Variants in NRP2 observed in about 807,000 individuals in gnomAD.
The protein encoded by NRP2 is neuropilin-2.
Under a neutral mutation model 110.4 loss-of-function variants are expected in NRP2, and 52 were observed. The ratio of observed to expected loss-of-function variants is 0.47; its 90% CI spans 0.38 to 0.59. NRP2 has a LOEUF of 0.59. Among genes scored for constraint, NRP2 ranks in the 20% least tolerant of loss-of-function variants. NRP2 has a pLI of 0.00. For synonymous variants in NRP2, 508 were observed against 468.9 expected (o/e 1.08, Z -1.08); for missense variants, 1,049 against 1,203.0 (o/e 0.87, Z 1.89).
chr2:205,765,639 G>T (rs764841622), intron 14 of NRP2, 69 bp downstream of exon 14: 1 of 1,327,304 alleles, frequency 7.5e-7, no homozygotes, highest in Admixed American at 1.7e-5. Context: ...AGCAAGAGGA[G>T]GCAGGACACC....
chr2:205,776,224 C>T (rs975622619), intron 15 of NRP2: 2 of 1,607,002 alleles, frequency 1.2e-6, no homozygotes, highest in Admixed American at 1.7e-5. Context: ...CCTAGCAACA[C>T]TCTTCTGTGT....
In NRP2 at chr2:205,796,992, G is replaced by T. The variant is rs568743910; in HGVS notation, c.*1934G>T. 6.5e-6 allele frequency: 1 copy of T among 152,812 alleles called. No individual in the cohort carries two copies. Among genetic ancestry groups the T allele is most frequent in the African/African-American group, 2.4e-5 (1 of 41,574 alleles). 9.5% of individuals were successfully genotyped at this position (152,812 alleles called of 1,614,324 possible). A position where few individuals can be genotyped will look rare whatever the true frequency, so the allele number is the denominator to read the frequency against. ...ATGGTAATGTCACAGTGTTTTGTAT[G>T]CAGAGAGCAAGAGTTCAACCAACAG... On this transcript the variant is annotated 3_prime_UTR_variant, in exon 17 of 17. Transcript: ENST00000357785.
intron 8 of NRP2, among the ~76,000 whole-genome samples, chr2:205,741,118 A>G (rs1308420881): frequency 1.3e-5 from 2 of 152,220 alleles, no homozygotes; most frequent in African/African-American, 4.8e-5. Context: ...AGAGCTGTGC[A>G]TGGTGCTGTG....
chr2:205,691,876 A>G (rs2056322463), intron 1 of NRP2, among the ~76,000 whole-genome samples: 1 of 152,240 alleles, frequency 6.6e-6, no homozygotes, highest in African/African-American at 2.4e-5. Flanking sequence ...AGGTGGCATG[A>G]TTCGAGGTCA....
In NRP2 at chr2:205,794,805, G is replaced by A. The variant is rs1167791761; in HGVS notation, c.2528G>A (p.Gly843Asp). The A allele has an allele frequency of 3.1e-6, 5 of 1,614,192 alleles. No homozygotes were observed. Among genetic ancestry groups the A allele is most frequent in the Non-Finnish European group, 4.2e-6 (5 of 1,180,026 alleles). ...TCTTCTTCTGCAACCTCAGGGTCTGGCGCCCCCTCGACCGACAAAGAAAAG... is the reference window on the plus strand; with the variant it reads ...TCTTCTTCTGCAACCTCAGGGTCTGACGCCCCCTCGACCGACAAAGAAAAG... ...SNSSSATSGS[G>D]APSTDKEKSW... Residue 843 changes from glycine to aspartate, a missense_variant, in exon 17 of 17, where the codon GGC becomes GAC. Physicochemically the swap from Gly to Asp is moderately conservative, Grantham distance 94. Coordinates refer to ENST00000357785, the MANE Select transcript of NRP2 (RefSeq NM_003872.3).
At chr2:205,773,549 T>C (rs967388251) in intron 15 of NRP2, among the ~76,000 whole-genome samples, 1 of 152,110 alleles carries the variant, frequency 6.6e-6, no homozygotes, top group Non-Finnish European at 1.5e-5. Context: ...AAAGTGGAGT[T>C]TGTCTTTCAA....
chr2:205,767,538 A>G (rs950361867), intron 15 of NRP2: 1 of 392,264 alleles, frequency 2.5e-6, no homozygotes, highest in African/African-American at 2.2e-5. Context: ...AGAGCAGAGC[A>G]AAGTGAGAAG....
At chr2:205,789,414 C>A (rs2058273129) in intron 15 of NRP2, among the ~76,000 whole-genome samples, 1 of 152,156 alleles carries the variant, frequency 6.6e-6, no homozygotes, top group African/African-American at 2.4e-5. Flanking sequence ...TCCACTCTCC[C>A]TAGCCCATCT....
At chr2:205,760,557 A>G (rs1291408798) in intron 12 of NRP2, among the ~76,000 whole-genome samples, 2 of 152,052 alleles carry the variant, frequency 1.3e-5, no homozygotes, top group Non-Finnish European at 2.9e-5. Context: ...TGGTCTTGCA[A>G]TGTTCCCCTA....
intron 15 of NRP2, among the ~76,000 whole-genome samples, chr2:205,782,799 G>A (rs567533624): frequency 2.9e-4 from 44 of 150,964 alleles, no homozygotes; most frequent in African/African-American, 9.5e-4. Context: ...ATATTGTGTT[G>A]ATATGCCAGA....
chr2:205,739,514 G>A (rs1021469226), intron 7 of NRP2, among the ~76,000 whole-genome samples: 10 of 152,132 alleles, frequency 6.6e-5, no homozygotes, highest in Non-Finnish European at 8.8e-5. Context: ...TCCTAAGCAG[G>A]AGAAGTCGCT....
chr2:205,690,399 T>A (rs979162054), intron 1 of NRP2, among the ~76,000 whole-genome samples: 4 of 151,882 alleles, frequency 2.6e-5, no homozygotes, highest in Non-Finnish European at 4.4e-5. Flanking sequence ...GGGGTTGGAG[T>A]GAAGGGGACA....
At chr2:205,764,073 C>T (rs1355189809) in intron 13 of NRP2, 137 bp downstream of exon 13, 3 of 1,104,166 alleles carry the variant, frequency 2.7e-6, no homozygotes, top group Non-Finnish European at 2.6e-6. Flanking sequence ...CTGAATGACA[C>T]TCTTATTTGT....
intron 3 of NRP2, among the ~76,000 whole-genome samples, chr2:205,719,893 C>T (rs188488456): frequency 3.9e-5 from 6 of 152,284 alleles, no homozygotes; most frequent in Admixed American, 3.9e-4. Context: ...AACCCAAATC[C>T]CCCAGCTTCT....
At chr2:205,758,106 A>G (rs935598871) in intron 12 of NRP2, among the ~76,000 whole-genome samples, 6 of 152,222 alleles carry the variant, frequency 3.9e-5, no homozygotes, top group African/African-American at 1.4e-4. Flanking sequence ...CCTTGAGAAC[A>G]TCTTGCTAAG....
At chr2:205,687,530 C>T (rs1055670623) in intron 1 of NRP2, among the ~76,000 whole-genome samples, 1 of 152,202 alleles carries the variant, frequency 6.6e-6, no homozygotes, top group Admixed American at 6.5e-5. Context: ...GAGGAGCACT[C>T]CCCAAAGGGC....
intron 15 of NRP2, among the ~76,000 whole-genome samples, chr2:205,790,986 T>C (rs926124819): frequency 1.3e-5 from 2 of 152,242 alleles, no homozygotes; most frequent in Non-Finnish European, 2.9e-5. Flanking sequence ...GGGATGAGAA[T>C]GTGCTTTAGC....
intron 3 of NRP2, 77 bp downstream of exon 3, chr2:205,716,451 G>C: frequency 6.8e-7 from 1 of 1,462,308 alleles, no homozygotes; most frequent in Non-Finnish European, 9.5e-7. Flanking sequence ...GTGGGCTGAG[G>C]CACTGGGTAA....
intron 15 of NRP2, among the ~76,000 whole-genome samples, chr2:205,785,403 T>C (rs545197182): frequency 6.6e-6 from 1 of 152,102 alleles, no homozygotes; most frequent in Non-Finnish European, 1.5e-5. Flanking sequence ...AAAATAAGAC[T>C]ACACAAGAGG....
Sources: gnomAD v4.1 joint callset for allele counts (sites outside exome capture counted in the v4.1 genomes callset) on GRCh38, gnomAD v4.1.1 for gene constraint, MANE v1.5 for transcripts, NCBI Gene and HGNC (gene_info 2026-07-23, HGNC 2026-07-21) for gene names.